The following TMEM135 variants were observed in gnomAD, a reference collection of about 807,000 sequenced individuals.
The protein encoded by TMEM135 is peroxisomal membrane protein 52.
TMEM135 carries 30 observed loss-of-function variants against 60.3 expected under a neutral mutation model. The observed-to-expected ratio is 0.50, with a 90% CI of 0.37 to 0.68. The LOEUF is 0.68. TMEM135 is among the 30% of genes least tolerant of loss of function. TMEM135 has a pLI of 0.00. For synonymous variants in TMEM135, 190 were observed against 186.7 expected, an observed-to-expected ratio of 1.02 and a Z score of -0.14; for missense variants, 468 against 548.8, an observed-to-expected ratio of 0.85 and a Z score of 1.47.
chr11:87,054,648 A>G (rs955633714), intron 1 of TMEM135, among the ~76,000 whole-genome samples: 3 of 152,048 alleles, frequency 2.0e-5, no homozygotes, highest in Admixed American at 2.0e-4. Context: ...TGGTTTCTTG[A>G]TTCTTACTTG....
At position 87,327,382 on chromosome 11, in the gene TMEM135, TAGAA is replaced by T. The variant is rs1219924465; in HGVS notation, c.*6054_*6057del. On this transcript the variant is annotated 3_prime_UTR_variant, in exon 15 of 15. Coordinates refer to ENST00000305494, the MANE Select transcript of TMEM135 (RefSeq NM_022918.4). The stretch of plus-strand genomic sequence containing the variant: ...TATTAAAGATGCCAGGTCAGAAAAA[TAGAA>T]AGAACCTGCTTCTGTGAGCCACTGA... The T allele has an allele frequency of 8.8e-6, 4 of 453,448 alleles. No homozygotes were observed. Among genetic ancestry groups the T allele is most frequent in the East Asian group, 1.4e-4 (2 of 14,382 alleles). 28.1% of individuals were successfully genotyped at this position (453,448 alleles called of 1,614,324 possible).
intron 5 of TMEM135, among the ~76,000 whole-genome samples, chr11:87,188,227 A>T (rs1176165212): frequency 6.6e-6 from 1 of 152,118 alleles, no homozygotes; most frequent in Admixed American, 6.6e-5. Flanking sequence ...CCTCAATCTC[A>T]TACAGAGGGC....
At chr11:87,053,502 G>C (rs1030875919) in intron 1 of TMEM135, among the ~76,000 whole-genome samples, 2 of 152,076 alleles carry the variant, frequency 1.3e-5, no homozygotes, top group African/African-American at 4.8e-5. Context: ...GTGGTAGGTG[G>C]TAATTAGGGA....
At chr11:87,083,010 C>T (rs1857023469) in intron 3 of TMEM135, among the ~76,000 whole-genome samples, 1 of 152,184 alleles carries the variant, frequency 6.6e-6, no homozygotes, top group African/African-American at 2.4e-5. Flanking sequence ...AAAGATCTAT[C>T]TGTAAATATC....
chr11:87,047,169 G>A (rs925648550), intron 1 of TMEM135, among the ~76,000 whole-genome samples: 8 of 151,936 alleles, frequency 5.3e-5, no homozygotes, highest in Non-Finnish European at 1.0e-4. Context: ...TTTCCACCTC[G>A]ATCTAGATGT....
chr11:87,112,102 T>A (rs1162983970), intron 4 of TMEM135, among the ~76,000 whole-genome samples: 2 of 152,178 alleles, frequency 1.3e-5, no homozygotes, highest in African/African-American at 2.4e-5. Flanking sequence ...TATGGTTTTT[T>A]AATTAATGTT....
chr11:87,143,432 G>C (rs183124031), intron 4 of TMEM135, among the ~76,000 whole-genome samples: 150 of 149,892 alleles, frequency 1.0e-3, no homozygotes, highest in African/African-American at 3.5e-3. Context: ...TGTGTGTCTA[G>C]TTGTTTTTGA....
Position 87,325,762 on chromosome 11 carries a change from A to G in TMEM135, c.*4429A>G. 2.2e-6 allele frequency: 1 copy of G among 453,940 alleles called. No individual in the cohort carries two copies. The highest frequency in any genetic ancestry group is 1.6e-5 in the South Asian group (1 of 64,462). The allele number at this position is 453,940 out of a possible 1,614,324, so 28.1% of individuals were successfully genotyped here. A position where few individuals can be genotyped will look rare whatever the true frequency, so the allele number is the denominator to read the frequency against. ...GATGATGTAGAAGATAATTGCACAG[A>G]TATGGAAGGAGATGTTTCTCTGTAT... On this transcript the variant is annotated 3_prime_UTR_variant, in exon 15 of 15. Coordinates refer to ENST00000305494, the MANE Select transcript of TMEM135 (RefSeq NM_022918.4).
chr11:87,206,972 T>A (rs1940249571), intron 5 of TMEM135, among the ~76,000 whole-genome samples: 1 of 152,202 alleles, frequency 6.6e-6, no homozygotes, highest in Non-Finnish European at 1.5e-5. Flanking sequence ...CAGCCTTCTA[T>A]GATGCCTAAA....
intron 4 of TMEM135, among the ~76,000 whole-genome samples, chr11:87,098,831 G>A (rs1857389068): frequency 6.6e-6 from 1 of 151,966 alleles, no homozygotes; most frequent in Non-Finnish European, 1.5e-5. Context: ...TGGGACTACA[G>A]GCACCCACCA....
chr11:87,057,567 C>T (rs972664333), intron 1 of TMEM135, among the ~76,000 whole-genome samples: 2 of 152,068 alleles, frequency 1.3e-5, no homozygotes, highest in African/African-American at 4.8e-5. Flanking sequence ...AGAATCTTGC[C>T]TTAACTTCGT....
intron 4 of TMEM135, 65 bp downstream of exon 4, chr11:87,091,460 C>G (rs1191715422): frequency 2.0e-6 from 3 of 1,535,118 alleles, no homozygotes; most frequent in East Asian, 2.3e-5. Flanking sequence ...ATCAAGTTTT[C>G]TTAAAAAAAG....
At chr11:87,258,275 A>G (rs1941571311) in intron 6 of TMEM135, among the ~76,000 whole-genome samples, 1 of 151,904 alleles carries the variant, frequency 6.6e-6, no homozygotes, top group South Asian at 2.1e-4. Context: ...AAACACACAC[A>G]CAAATCTAAC....
At chr11:87,207,361 G>T (rs1427517417) in intron 5 of TMEM135, among the ~76,000 whole-genome samples, 3 of 151,976 alleles carry the variant, frequency 2.0e-5, no homozygotes, top group African/African-American at 7.3e-5. Flanking sequence ...TTACCTTATG[G>T]CTCTTTTTCT....
At chr11:87,116,631 A>T (rs968123679) in intron 4 of TMEM135, among the ~76,000 whole-genome samples, 6 of 93,316 alleles carry the variant, frequency 6.4e-5, no homozygotes, top group African/African-American at 2.2e-4. Flanking sequence ...ACACACACAT[A>T]CACACACACA....
chr11:87,255,253 T>C (rs1355296571), intron 6 of TMEM135, among the ~76,000 whole-genome samples: 1 of 152,166 alleles, frequency 6.6e-6, no homozygotes, highest in Non-Finnish European at 1.5e-5. Context: ...AACAAATGTG[T>C]TGGCCCTGAA....
chr11:87,042,199 A>G (rs1236432375), intron 1 of TMEM135, among the ~76,000 whole-genome samples: 2 of 152,250 alleles, frequency 1.3e-5, no homozygotes, highest in Non-Finnish European at 2.9e-5. Context: ...ATGTGATTGG[A>G]CAATAATGGT....
At chr11:87,223,846 T>A (rs2135358747) in intron 5 of TMEM135, among the ~76,000 whole-genome samples, 1 of 116,416 alleles carries the variant, frequency 8.6e-6, no homozygotes, top group South Asian at 2.9e-4. Flanking sequence ...CAAGACTGTC[T>A]AAAAAAGAAA....
At chr11:87,053,440 C>T (rs1380186147) in intron 1 of TMEM135, among the ~76,000 whole-genome samples, 9 of 151,914 alleles carry the variant, frequency 5.9e-5, no homozygotes, top group Admixed American at 1.3e-4. Context: ...ATAGATTGAT[C>T]GTTTATTTAT....
Sources: gnomAD v4.1 joint callset for allele counts (sites outside exome capture counted in the v4.1 genomes callset) on GRCh38, gnomAD v4.1.1 for gene constraint, MANE v1.5 for transcripts, NCBI Gene and HGNC (gene_info 2026-07-23, HGNC 2026-07-21) for gene names.